Variants in ACER3 observed in about 807,000 individuals in gnomAD.
The protein encoded by ACER3 is alkaline ceramidase 3.
Under a neutral mutation model 48.9 loss-of-function variants are expected in ACER3, and 16 were observed. That is an observed-to-expected ratio of 0.33 (90% CI 0.22 to 0.50). ACER3 has a LOEUF of 0.50. Ranked by LOEUF, ACER3 falls within the 20% of genes least tolerant of loss-of-function variation. ACER3 has a pLI of 0.98. For synonymous variants in ACER3, 109 were observed against 107.8 expected (o/e 1.01, Z -0.07); for missense variants, 227 against 326.0 (o/e 0.70, Z 2.34).
At chr11:76,907,218 T>C (rs1946258454) in intron 1 of ACER3, among the ~76,000 whole-genome samples, 1 of 152,212 alleles carries the variant, frequency 6.6e-6, no homozygotes, top group Non-Finnish European at 1.5e-5. Flanking sequence ...TTCTTTATGA[T>C]AGGCCCAGGA....
intron 1 of ACER3, among the ~76,000 whole-genome samples, chr11:76,898,489 A>C (rs969382679): frequency 6.6e-6 from 1 of 152,202 alleles, no homozygotes; most frequent in African/African-American, 2.4e-5. Flanking sequence ...CTACAGGTGC[A>C]TGCTGCTATG....
At chr11:76,976,107 A>C (rs1948436164) in intron 3 of ACER3, among the ~76,000 whole-genome samples, 182 bp from the exon 4 acceptor site, 1 of 152,070 alleles carries the variant, frequency 6.6e-6, no homozygotes, top group Non-Finnish European at 1.5e-5. Flanking sequence ...GGCTGATCTC[A>C]AACACCTAAG....
At chr11:76,989,750 T>C (rs1948759941) in intron 5 of ACER3, among the ~76,000 whole-genome samples, 1 of 152,184 alleles carries the variant, frequency 6.6e-6, no homozygotes, top group Non-Finnish European at 1.5e-5. Flanking sequence ...ATTTGAACTT[T>C]GTCTTACAAG....
chr11:77,008,572 A>T (rs568755015), intron 7 of ACER3, among the ~76,000 whole-genome samples: 1 of 152,334 alleles, frequency 6.6e-6, no homozygotes, highest in Admixed American at 6.5e-5. Context: ...AGTCTTAGTT[A>T]TCTTGGTAAT....
chr11:76,883,420 T>G (rs1265508716), intron 1 of ACER3, among the ~76,000 whole-genome samples: 1 of 150,920 alleles, frequency 6.6e-6, no homozygotes, highest in Non-Finnish European at 1.5e-5. Flanking sequence ...GCGTTGCTTC[T>G]TTTGAATGAT....
At chr11:76,927,526 T>A (rs972533910) in intron 2 of ACER3, among the ~76,000 whole-genome samples, 5 of 152,162 alleles carry the variant, frequency 3.3e-5, no homozygotes, top group African/African-American at 1.2e-4. Context: ...TTGTTACATA[T>A]GAATACATGT....
chr11:76,907,407 A>G (rs879397975), intron 1 of ACER3, among the ~76,000 whole-genome samples: 1 of 152,178 alleles, frequency 6.6e-6, no homozygotes, highest in Non-Finnish European at 1.5e-5. Context: ...TGCTGTGTTT[A>G]TATCTCTATT....
At chr11:76,876,159 C>T (rs923890072) in intron 1 of ACER3, among the ~76,000 whole-genome samples, 1 of 152,128 alleles carries the variant, frequency 6.6e-6, no homozygotes, top group Non-Finnish European at 1.5e-5. Flanking sequence ...TATGTAACAA[C>T]CTCTATCAAG....
intron 2 of ACER3, among the ~76,000 whole-genome samples, chr11:76,929,863 T>C (rs1946945431): frequency 6.6e-6 from 1 of 152,214 alleles, no homozygotes; most frequent in South Asian, 2.1e-4. Flanking sequence ...CTGCTGGATT[T>C]GGTTTGCCAG....
At chr11:76,881,101 A>G (rs1436767854) in intron 1 of ACER3, among the ~76,000 whole-genome samples, 1 of 152,002 alleles carries the variant, frequency 6.6e-6, no homozygotes, top group East Asian at 1.9e-4. Context: ...CAAAAATAAA[A>G]GAAATTAGCC....
At chr11:76,933,935 G>A (rs1484421714) in intron 2 of ACER3, among the ~76,000 whole-genome samples, 2 of 152,020 alleles carry the variant, frequency 1.3e-5, no homozygotes, top group African/African-American at 2.4e-5. Flanking sequence ...CTTAGTCGGG[G>A]CGGCCGGGCA....
At chr11:76,880,129 C>G (rs1047949554) in intron 1 of ACER3, among the ~76,000 whole-genome samples, 3 of 152,020 alleles carry the variant, frequency 2.0e-5, no homozygotes, top group Non-Finnish European at 4.4e-5. Flanking sequence ...GTCAGAGGAA[C>G]AACTTTTGGC....
intron 2 of ACER3, among the ~76,000 whole-genome samples, chr11:76,929,132 T>C (rs955516651): frequency 3.3e-5 from 5 of 152,122 alleles, no homozygotes; most frequent in African/African-American, 4.8e-5. Flanking sequence ...CCTCTTTTAT[T>C]TCGTTGAGCA....
chr11:76,959,118 A>G, intron 3 of ACER3, 87 bp downstream of exon 3: 1 of 1,600,642 alleles, frequency 6.2e-7, no homozygotes, highest in Non-Finnish European at 8.5e-7. Flanking sequence ...ACTATGGCTA[A>G]AAGATGGGAT....
chr11:76,905,474 C>T (rs1309231125), intron 1 of ACER3, among the ~76,000 whole-genome samples: 1 of 152,170 alleles, frequency 6.6e-6, no homozygotes, highest in Non-Finnish European at 1.5e-5. Context: ...ATTCATTGCC[C>T]TTAGACCTTT....
intron 4 of ACER3, 80 bp downstream of exon 4, chr11:76,976,421 A>T: frequency 1.4e-6 from 1 of 739,684 alleles, no homozygotes; most frequent in Non-Finnish European, 2.2e-6. Flanking sequence ...TAACTGATAC[A>T]TTTATATTAC....
chr11:76,949,158 G>A (rs1271245151), intron 2 of ACER3, among the ~76,000 whole-genome samples: 2 of 152,142 alleles, frequency 1.3e-5, no homozygotes, highest in Non-Finnish European at 2.9e-5. Context: ...GAATCCAGAG[G>A]TTCCAACTGA....
intron 7 of ACER3, among the ~76,000 whole-genome samples, chr11:77,010,596 T>C (rs1182079086): frequency 1.3e-5 from 2 of 151,992 alleles, no homozygotes; most frequent in Non-Finnish European, 2.9e-5. Flanking sequence ...AAGAAAACAT[T>C]ATATAATTGA....
intron 7 of ACER3, among the ~76,000 whole-genome samples, chr11:77,007,732 G>C (rs913254878): frequency 1.3e-5 from 2 of 152,168 alleles, no homozygotes; most frequent in Non-Finnish European, 2.9e-5. Flanking sequence ...ACTAATTACT[G>C]TGGGTGGGGA....
Sources: gnomAD v4.1 joint callset for allele counts (sites outside exome capture counted in the v4.1 genomes callset) on GRCh38, gnomAD v4.1.1 for gene constraint, MANE v1.5 for transcripts, NCBI Gene and HGNC (gene_info 2026-07-23, HGNC 2026-07-21) for gene names.